NTRK1: variants seen among roughly 807,000 people sequenced by gnomAD.
The protein encoded by NTRK1 is neurotrophic receptor tyrosine kinase 1, also known as high affinity nerve growth factor receptor.
A neutral mutation model predicts 86.8 loss-of-function variants in NTRK1; 62 were observed. The observed-to-expected ratio is 0.71, with a 90% CI of 0.58 to 0.88. NTRK1 has a LOEUF of 0.88. Among genes scored for constraint, NTRK1 ranks in the 40% least tolerant of loss-of-function variants. NTRK1 has a pLI of 0.00. For missense variants in NTRK1, 967 were observed against 1,078.4 expected, an observed-to-expected ratio of 0.90 and a Z score of 1.45; for synonymous variants, 469 against 456.6, an observed-to-expected ratio of 1.03 and a Z score of -0.35.
intron 1 of NTRK1, among the ~76,000 whole-genome samples, chr1:156,836,538 T>G (rs1452937031): frequency 6.6e-6 from 1 of 152,184 alleles, no homozygotes; most frequent in Non-Finnish European, 1.5e-5. Flanking sequence ...CCTCTGTCCT[T>G]GAACCAGCCT....
At chr1:156,842,157 C>A (rs2102853641) in exon 2 of NTRK1, 3 of 1,614,118 alleles carry the variant, frequency 1.9e-6, no homozygotes, top group Non-Finnish European at 2.5e-6. Context: ...CAGTTGCGGG[C>A]TGCTAGATCT....
At chr1:156,828,695 G>A (rs1185725698) in intron 1 of NTRK1, among the ~76,000 whole-genome samples, 1 of 152,256 alleles carries the variant, frequency 6.6e-6, no homozygotes, top group Non-Finnish European at 1.5e-5. Context: ...AGCAATGGAA[G>A]GAGAGTGGTG....
chr1:156,840,691 A>T, intron 1 of NTRK1: 1 of 613,650 alleles, frequency 1.6e-6, no homozygotes, highest in Non-Finnish European at 2.9e-6. Flanking sequence ...GAGTCTGAGA[A>T]ACTCCTATGG....
intron 2 of NTRK1, among the ~76,000 whole-genome samples, chr1:156,852,344 C>T: frequency 6.6e-6 from 1 of 152,382 alleles, no homozygotes; most frequent in East Asian, 1.9e-4. Flanking sequence ...ACTCTGTTCC[C>T]CTCCGATGGG....
chr1:156,864,173 G>A (rs1160416372), intron 1 of NTRK1, among the ~76,000 whole-genome samples, 181 bp from the exon 2 acceptor site: 1 of 152,102 alleles, frequency 6.6e-6, no homozygotes, highest in African/African-American at 2.4e-5. Flanking sequence ...CTTGAGGTGC[G>A]TCTCTGTGCA....
At chr1:156,845,974 G>A (rs575579682) in intron 2 of NTRK1, 1 of 1,613,168 alleles carries the variant, frequency 6.2e-7, no homozygotes, top group Admixed American at 1.7e-5. Flanking sequence ...AGTCATTGAG[G>A]TAGAGGTCGC....
chr1:156,849,115 C>T, intron 2 of NTRK1: 1 of 1,596,838 alleles, frequency 6.3e-7, no homozygotes, highest in East Asian at 2.2e-5. Flanking sequence ...CCTGACCCCG[C>T]GGCATCCCAT....
At chr1:156,852,643 C>A (rs1430591272) in intron 2 of NTRK1, among the ~76,000 whole-genome samples, 1 of 152,218 alleles carries the variant, frequency 6.6e-6, no homozygotes, top group African/African-American at 2.4e-5. Context: ...CATACCGCCC[C>A]CACCTCAGCT....
intron 2 of NTRK1, among the ~76,000 whole-genome samples, chr1:156,855,376 T>C (rs1435698116): frequency 6.6e-6 from 1 of 152,152 alleles, no homozygotes; most frequent in Admixed American, 6.5e-5. Context: ...GCTAATTTTT[T>C]GCATTTTTAG....
intron 5 of NTRK1, 120 bp downstream of exon 5, chr1:156,868,369 G>C (rs1647301950): frequency 6.5e-7 from 1 of 1,535,698 alleles, no homozygotes. Flanking sequence ...CAAAGGCTGG[G>C]GGAAACTGCC....
At chr1:156,857,278 TC>T (rs1033787662), upstream of NTRK1, among the ~76,000 whole-genome samples, 1 of 151,854 alleles carries the variant, frequency 6.6e-6, no homozygotes, top group African/African-American at 2.4e-5. Context: ...AACACTTCTA[TC>T]CCTTCCAGGC....
chr1:156,875,077 T>C (rs886754646), intron 11 of NTRK1, 69 bp downstream of exon 11: 1 of 1,158,628 alleles, frequency 8.6e-7, no homozygotes, highest in Non-Finnish European at 1.3e-6. Context: ...TGGCTCTTCC[T>C]GACTCTGTCT....
intron 1 of NTRK1, chr1:156,816,097 G>T: frequency 6.2e-7 from 1 of 1,612,112 alleles, no homozygotes; most frequent in South Asian, 1.1e-5. Flanking sequence ...GTGACTCCCT[G>T]TGAGCACAAA....
rs556759051 is a variant in NTRK1 at position 156,870,008 on chromosome 1, C to A, written c.717+1361C>A. Among the ~76,000 whole-genome samples, 3 of 152,318 alleles carry A rather than the reference C, an allele frequency of 2.0e-5. No homozygotes were observed. In the East Asian group the frequency reaches 5.8e-4, roughly 29 times the overall value. On this transcript the variant is annotated intron_variant, in intron 6 of 16. Transcript: ENST00000524377. ...CCCTGGAACCATGTTGAGGGAGATGCCACTGGGGCGCTGAGCAGGGGGCTT... is the reference window on the plus strand; with the variant it reads ...CCCTGGAACCATGTTGAGGGAGATGACACTGGGGCGCTGAGCAGGGGGCTT...
chr1:156,879,441 G>T (rs1022689605), intron 15 of NTRK1, 79 bp downstream of exon 15: 1 of 1,517,594 alleles, frequency 6.6e-7, no homozygotes, highest in Non-Finnish European at 8.9e-7. Flanking sequence ...CTGAGAGCCT[G>T]CCCTTGCTAG....
At chr1:156,864,563 G>A (rs1048528876) in intron 2 of NTRK1, 135 bp downstream of exon 2, 43 of 1,160,904 alleles carry the variant, frequency 3.7e-5, no homozygotes, top group Non-Finnish European at 5.3e-5. Context: ...GAGAAGTCAG[G>A]AAGCTCAGGG....
At chr1:156,825,411 T>C (rs983093491) in intron 1 of NTRK1, among the ~76,000 whole-genome samples, 7 of 152,168 alleles carry the variant, frequency 4.6e-5, no homozygotes, top group African/African-American at 1.4e-4. Flanking sequence ...GGAAAGAATA[T>C]GGTGATCAAG....
In NTRK1 at chr1:156,854,194, C is replaced by T. The variant is rs2102870278; in HGVS notation, c.51-10160C>T. On this transcript the variant is annotated intron_variant, in intron 2 of 16. Coordinates refer to the NTRK1 transcript ENST00000392302. The surrounding 1 kb of genome is among the most constrained non-coding windows in gnomAD (Gnocchi z 4.2). ...GGAAGCTGAGGCCGCGGAAGTCCTC[C>T]CCGGTGGCTGTGAACATGAGCAGGA... 1 of 1,614,094 alleles carries T rather than the reference C, an allele frequency of 6.2e-7. No individual in the cohort carries two copies. The highest frequency in any genetic ancestry group is 2.2e-5 in the East Asian group (1 of 44,896).
chr1:156,844,885 A>T, intron 2 of NTRK1: 5 of 1,611,082 alleles, frequency 3.1e-6, no homozygotes, highest in Non-Finnish European at 4.2e-6. Flanking sequence ...AAAGTGGTTC[A>T]TCTCACCTTA....
Sources: allele counts gnomAD v4.1 joint callset (sites outside exome capture counted in the v4.1 genomes callset), GRCh38; gene constraint gnomAD v4.1.1; non-coding constraint Gnocchi (gnomAD v3.1); transcripts MANE v1.5; gene names NCBI Gene and HGNC (gene_info 2026-07-23, HGNC 2026-07-21).